Variants in MIEF2 observed in about 807,000 individuals in gnomAD.
MIEF2 encodes mitochondrial elongation factor 2.
MIEF2 carries 1 observed loss-of-function variant against 7.4 expected under a neutral mutation model. That is an observed-to-expected ratio of 0.14 (90% confidence interval 0.05 to 0.64). The LOEUF (loss-of-function observed/expected upper bound fraction) is 0.64. Among genes scored for constraint, MIEF2 ranks in the 30% least tolerant of loss-of-function variants. The pLI is 0.85. For synonymous variants in MIEF2, 275 were observed against 290.5 expected (o/e 0.95, Z 0.54); for missense variants, 569 against 623.9 (o/e 0.91, Z 0.94).
chr17:18,263,652 C>T (rs758919567), intron 3 of MIEF2, 58 bp from the exon 4 acceptor site: 8 of 1,480,964 alleles, frequency 5.4e-6, no homozygotes, highest in Admixed American at 2.4e-5. Context: ...TTCTCGGTGG[C>T]GTTTTCTTAA....
rs149985657 is a variant in MIEF2 at position 18,264,438 on chromosome 17, G to A, written c.1039G>A (p.Asp347Asn). The change falls in exon 4 of 4, where the codon GAC becomes AAC. Residue 347 changes from aspartate to asparagine, a missense_variant. By Grantham distance (23) the Asp-to-Asn change is conservative (BLOSUM62 1). Transcript: ENST00000323019. ...GGCTGCTAGGCTGCGAGCCCTGGACGACCATGACGCTGGGACTCGCCGGCG... is the reference window on the plus strand; with the variant it reads ...GGCTGCTAGGCTGCGAGCCCTGGACAACCATGACGCTGGGACTCGCCGGCG... ...VEAARLRALD[D>N]HDAGTRRRLL... 1.2e-5 allele frequency: 19 copies of A among 1,601,394 alleles called. No homozygotes were observed. Among genetic ancestry groups the A allele is most frequent in the African/African-American group, 6.7e-5 (5 of 74,908 alleles).
At chr17:18,262,020 CTGGTCCCAG>C (rs1204400398) in intron 1 of MIEF2, among the ~76,000 whole-genome samples, 3 of 152,216 alleles carry the variant, frequency 2.0e-5, no homozygotes, top group Non-Finnish European at 4.4e-5. Context: ...TTGGGGGTAA[CTGGTCCCAG>C]TGGTCCCCCA....
rs574879368 is a variant in MIEF2, at chr17:18,264,156, G to A, written c.757G>A (p.Val253Ile). ...FLVGGYLSSRVLLELLRKALA... is the reference protein window; with the variant it reads ...FLVGGYLSSRILLELLRKALA... ...GGTCGGGGGCTACCTCTCCTCCCGC[G>A]TCCTGCTGGAGCTACTCCGCAAGGC... The change falls in exon 4 of 4, where the codon GTC becomes ATC. Residue 253 changes from valine to isoleucine, a missense_variant. Physicochemically the swap from Val to Ile is conservative, Grantham distance 29 (BLOSUM62 3). Transcript: ENST00000323019. The A allele has an allele frequency of 1.7e-4, 274 of 1,577,142 alleles. 1 individual carries two copies. Among genetic ancestry groups the A allele is most frequent in the East Asian group, 9.2e-5 (4 of 43,626 alleles).
In MIEF2 at chr17:18,260,751, G is replaced by T. The variant is rs1190869322; in HGVS notation, c.-8+14G>T. On this transcript the variant is annotated intron_variant, in intron 1 of 3. Coordinates refer to ENST00000323019, the MANE Select transcript of MIEF2 (RefSeq NM_139162.4). ...GCTGCGACGCAGGTACAGCTGGAGC[G>T]CGGCGGGGCGGCCCCCAGGGTCACC... The T allele has an allele frequency of 4.0e-6, 1 of 247,778 alleles. No homozygotes were observed. The highest frequency in any genetic ancestry group is 7.9e-6 in the Non-Finnish European group (1 of 126,454). 15.3% of individuals were successfully genotyped at this position (247,778 alleles called of 1,614,324 possible).
chr17:18,262,858 C>T lies in MIEF2; in HGVS notation c.138C>T (p.Ala46=), dbSNP rs1209994480. The part of the protein sequence containing the change: ...GAAVLGIATL[A]VKRFIDRATS... ...CTGTGCTGGGCATTGCCACCCTGGC[C>T]GTGAAGCGGGTAAGGCCAAGTGGGC... is the stretch of plus-strand genomic sequence containing the variant. Residue 46 remains alanine, a synonymous_variant, in exon 2 of 4, where the codon GCC becomes GCT. Coordinates refer to ENST00000323019, the MANE Select transcript of MIEF2 (RefSeq NM_139162.4). 4.5e-6 allele frequency: 7 copies of T among 1,541,064 alleles called. No individual in the cohort carries two copies. The highest frequency in any genetic ancestry group is 2.8e-5 in the African/African-American group (2 of 72,712).
chr17:18,263,002 C>G, intron 2 of MIEF2, 84 bp from the exon 3 acceptor site: 1 of 1,563,212 alleles, frequency 6.4e-7, no homozygotes, highest in African/African-American at 1.3e-5. Flanking sequence ...GCTTCTCCAC[C>G]CAGCACGCTG....
chr17:18,263,566 G>A (rs2142905267), intron 3 of MIEF2, 144 bp from the exon 4 acceptor site: 4 of 1,143,148 alleles, frequency 3.5e-6, no homozygotes, highest in Non-Finnish European at 4.8e-6. Context: ...CACTATATGT[G>A]AGGATCTGAA....
intron 1 of MIEF2, among the ~76,000 whole-genome samples, chr17:18,261,438 C>G (rs1297301860): frequency 6.6e-6 from 1 of 152,220 alleles, no homozygotes; most frequent in African/African-American, 2.4e-5. Flanking sequence ...GGCACCCACA[C>G]TCTGGCAGGG....
intron 1 of MIEF2, among the ~76,000 whole-genome samples, 158 bp downstream of exon 1, chr17:18,260,895 GC>G (rs1978371306): frequency 6.6e-6 from 1 of 152,198 alleles, no homozygotes; most frequent in Non-Finnish European, 1.5e-5. Context: ...TCCTAGCCCA[GC>G]CCCCTTCCCC....
Position 18,263,754 on chromosome 17 carries a change from T to TC in MIEF2, c.359dup (p.Ala121SerfsTer111). 6.2e-7 allele frequency: 1 copy of TC among 1,600,714 alleles called. No individual in the cohort carries two copies. Among genetic ancestry groups the TC allele is most frequent in the Non-Finnish European group, 8.5e-7 (1 of 1,171,056 alleles). ...TCCTGAGGTGACACCACAGCTCAGCTCCCCAGCACCGCTGTGTCTGACACT... is the reference window on the plus strand; with the variant it reads ...TCCTGAGGTGACACCACAGCTCAGCTCCCCCAGCACCGCTGTGTCTGACACT... On this transcript the variant is annotated frameshift_variant, in exon 4 of 4. Transcript: ENST00000323019. LOFTEE classifies it low-confidence loss of function (END_TRUNC).
chr17:18,262,661 C>G, intron 1 of MIEF2, 53 bp from the exon 2 acceptor site: 1 of 1,510,978 alleles, frequency 6.6e-7, no homozygotes. Flanking sequence ...AGCCCCTCTC[C>G]CAGCCTGGCC....
In MIEF2 at chr17:18,264,249, G is replaced by A; in HGVS notation, c.850G>A (p.Ala284Thr). 6.2e-7 allele frequency: 1 copy of A among 1,604,854 alleles called. No homozygotes were observed. Among genetic ancestry groups the A allele is most frequent in the Non-Finnish European group, 8.5e-7 (1 of 1,179,762 alleles). Residue 284 changes from alanine to threonine, a missense_variant, in exon 4 of 4, where the codon GCC (alanine) becomes ACC (threonine). Coordinates refer to ENST00000323019, the MANE Select transcript of MIEF2 (RefSeq NM_139162.4). ...LLGCLIRPSM[A>T]SEELLLEVQH... ...CGGGTGCCTGATCCGGCCCAGCATG[G>A]CCTCGGAGGAGCTGCTGCTCGAGGT... is the stretch of plus-strand genomic sequence containing the variant.
chr17:18,263,969 T>G lies in MIEF2; in HGVS notation c.570T>G (p.Ala190=). The change falls in exon 4 of 4, where the codon GCT becomes GCG. Residue 190 remains alanine (A), a synonymous_variant. Transcript: ENST00000323019. ...GPLYDGLQAG[A]ADHVRLLVPL... ...TCTACGACGGGCTGCAGGCGGGGGC[T>G]GCGGACCATGTGCGTCTCCTGGTGC... 1 of 1,579,796 alleles carries G rather than the reference T, an allele frequency of 6.3e-7. No individual in the cohort carries two copies. Among genetic ancestry groups the G allele is most frequent in the Non-Finnish European group, 8.6e-7 (1 of 1,165,654 alleles).
chr17:18,260,781 T>G lies in MIEF2; in HGVS notation c.-8+44T>G, dbSNP rs538123610. Reference sequence around the variant, plus strand: ...GGGGCGGCCCCCAGGGTCACCGGGCTCGGGGCTTGGCGCGCGACGGAACGC... The same window carrying G: ...GGGGCGGCCCCCAGGGTCACCGGGCGCGGGGCTTGGCGCGCGACGGAACGC... On this transcript the variant is annotated intron_variant, in intron 1 of 3. Coordinates refer to ENST00000323019, the MANE Select transcript of MIEF2 (RefSeq NM_139162.4). The G allele has an allele frequency of 1.3e-5, 4 of 302,144 alleles. No homozygotes were observed. In the East Asian group the frequency reaches 3.0e-4, roughly 23 times the overall value. The allele number at this position is 302,144 out of a possible 1,614,324, so 18.7% of individuals were successfully genotyped here.
chr17:18,262,639 C>T, intron 1 of MIEF2, 75 bp from the exon 2 acceptor site: 2 of 1,356,846 alleles, frequency 1.5e-6, no homozygotes, highest in Non-Finnish European at 2.0e-6. Context: ...AGCTAGAGCA[C>T]CTGTCCACAG....
chr17:18,263,619 G>A (rs1978548138), intron 3 of MIEF2, 91 bp from the exon 4 acceptor site: 1 of 1,437,414 alleles, frequency 7.0e-7, no homozygotes, highest in East Asian at 2.5e-5. Context: ...GAAAAGTGAG[G>A]CCCTGGGACA....
In MIEF2 at chr17:18,264,587, C is replaced by T; in HGVS notation, c.1188C>T (p.Ala396=). 1.9e-6 allele frequency: 3 copies of T among 1,610,912 alleles called. No homozygotes were observed. Among genetic ancestry groups the T allele is most frequent in the East Asian group, 2.2e-5 (1 of 44,876 alleles). ...GEDNVDWTEE[A]LGERFLQALE... Reference sequence around the variant, plus strand: ...ACAACGTGGATTGGACGGAGGAGGCCTTGGGTGAGCGCTTCCTGCAAGCCC... The same window carrying T: ...ACAACGTGGATTGGACGGAGGAGGCTTTGGGTGAGCGCTTCCTGCAAGCCC... The change falls in exon 4 of 4, where the codon GCC becomes GCT. Residue 396 remains alanine, a synonymous_variant. Coordinates refer to ENST00000323019, the MANE Select transcript of MIEF2 (RefSeq NM_139162.4).
Position 18,264,562 on chromosome 17 carries a change from A to G in MIEF2, c.1163A>G (p.Asp388Gly). The G allele has an allele frequency of 6.2e-7, 1 of 1,610,816 alleles. No individual in the cohort carries two copies. The highest frequency in any genetic ancestry group is 8.5e-7 in the Non-Finnish European group (1 of 1,179,926). Reference sequence around the variant, plus strand: ...CAGGTGGTCCTGCGTCTGGGGGAGGACAACGTGGATTGGACGGAGGAGGCC... The same window carrying G: ...CAGGTGGTCCTGCGTCTGGGGGAGGGCAACGTGGATTGGACGGAGGAGGCC... ...LTQVVLRLGE[D>G]NVDWTEEALG... Residue 388 changes from aspartate (D) to glycine (G), a missense_variant, in exon 4 of 4, where the codon GAC becomes GGC. Asp to Gly is a moderately conservative substitution (Grantham distance 94). Transcript: ENST00000323019.
Position 18,265,720 on chromosome 17 carries a change from A to G in MIEF2, c.*956A>G, listed in dbSNP as rs1231249917. On this transcript the variant is annotated 3_prime_UTR_variant, in exon 4 of 4. Transcript: ENST00000323019. ...TGCCTCTGGTATCCTTCCTTTTGAA[A>G]CGAAGCTCAGCTTCGAAGATGTGAA... is the stretch of plus-strand genomic sequence containing the variant. 6.6e-6 allele frequency: 1 copy of G among 152,462 alleles called. No homozygotes were observed. The highest frequency in any genetic ancestry group is 1.5e-5 in the Non-Finnish European group (1 of 68,042). 9.4% of individuals were successfully genotyped at this position (152,462 alleles called of 1,614,324 possible). A position where few individuals can be genotyped will look rare whatever the true frequency, so the allele number is the denominator to read the frequency against.
Sources: allele counts gnomAD v4.1 joint callset (sites outside exome capture counted in the v4.1 genomes callset), GRCh38; gene constraint gnomAD v4.1.1; transcripts MANE v1.5; gene names NCBI Gene and HGNC (gene_info 2026-07-23, HGNC 2026-07-21).